Variants in MCM3AP observed in about 807,000 individuals in gnomAD.
MCM3AP encodes minichromosome maintenance complex component 3 associated protein.
MCM3AP carries 126 observed loss-of-function variants against 184.1 expected under a neutral mutation model. The ratio of observed to expected loss-of-function variants is 0.68; its 90% confidence interval spans 0.59 to 0.79. MCM3AP has a LOEUF of 0.79. MCM3AP is among the 30% of genes least tolerant of loss of function. The pLI is 0.00. For missense variants in MCM3AP, 2,496 were observed against 2,479.2 expected (o/e 1.01, Z -0.14); for synonymous variants, 1,002 against 979.3 (o/e 1.02, Z -0.43).
At chr21:46,281,570 C>G (rs1330558806) in intron 2 of MCM3AP, among the ~76,000 whole-genome samples, 1 of 152,118 alleles carries the variant, frequency 6.6e-6, no homozygotes, top group Admixed American at 6.5e-5. Context: ...GCCCGTTATC[C>G]TAGCACTTTG....
At chr21:46,256,672 C>G in intron 17 of MCM3AP, 117 bp downstream of exon 17, 1 of 1,297,752 alleles carries the variant, frequency 7.7e-7, no homozygotes, top group South Asian at 1.5e-5. Flanking sequence ...CTTCACCTAT[C>G]TTCGCCTCCA....
rs17176191 is a variant in MCM3AP, at chr21:46,281,870, C to T, written c.1444-1295G>A. Among the ~76,000 whole-genome samples the T allele has an allele frequency of 2.6e-5, 4 of 152,064 alleles. No individual in the cohort carries two copies. The East Asian group carries it at 7.7e-4, about 29-fold the overall frequency. ...CAAAAATTAGCCAGGCATGGTGGTG[C>T]ACACACAATCCCAGCTACTTGGGAG... On this transcript the variant is annotated intron_variant, in intron 2 of 27. Transcript: ENST00000291688.
intron 22 of MCM3AP, among the ~76,000 whole-genome samples, chr21:46,245,419 T>C (rs2080749598): frequency 6.6e-6 from 1 of 152,010 alleles, no homozygotes; most frequent in Non-Finnish European, 1.5e-5. Flanking sequence ...AGCCCCCAGA[T>C]CCCACCTGGC....
chr21:46,285,160 T>G lies in MCM3AP; in HGVS notation c.127A>C (p.Ser43Arg), dbSNP rs377478867. ...FGQPSLFGQNSTLSGKSSGFS... is the reference protein window; with the variant it reads ...FGQPSLFGQNRTLSGKSSGFS... ...CCCGAGCTCTTCCCAGATAAGGTAC[T>G]GTTTTGTCCAAAAAGAGAAGGTTGA... Residue 43 changes from serine (S) to arginine (R), a missense_variant, in exon 1 of 28, where the codon AGT becomes CGT. By Grantham distance (110) the Ser-to-Arg change is moderately radical. Transcript: ENST00000291688. The G allele has an allele frequency of 1.9e-6, 3 of 1,614,208 alleles. No homozygotes were observed. Among genetic ancestry groups the G allele is most frequent in the East Asian group, 4.5e-5 (2 of 44,886 alleles).
At chr21:46,246,154 G>C (rs2080762804) in intron 22 of MCM3AP, among the ~76,000 whole-genome samples, 153 bp downstream of exon 22, 1 of 152,168 alleles carries the variant, frequency 6.6e-6, no homozygotes, top group South Asian at 2.1e-4. Context: ...AGGTTGCAGG[G>C]AGCTATCATC....
chr21:46,254,357 T>A (rs1238524351), intron 19 of MCM3AP, 35 bp downstream of exon 19: 1 of 1,612,198 alleles, frequency 6.2e-7, no homozygotes, highest in African/African-American at 1.3e-5. Flanking sequence ...CCACTCCACC[T>A]CTTGGAAACC....
chr21:46,235,353 A>T lies in MCM3AP; in HGVS notation c.5858T>A (p.Leu1953Gln). ...GTCLGERLKH[L>Q]ERLIRSSREE... ...CCTTGAACTCCGGATCAGCCTTTCC[A>T]GGTGCTTTAGTCGTTCGCCTAGACA... The change falls in exon 28 of 28, where the codon CTG (leucine) becomes CAG (glutamine). Residue 1953 changes from leucine to glutamine, a missense_variant. Physicochemically the swap from Leu to Gln is moderately radical, Grantham distance 113. Coordinates refer to ENST00000291688, the MANE Select transcript of MCM3AP (RefSeq NM_003906.5). The T allele has an allele frequency of 6.2e-7, 1 of 1,614,144 alleles. No individual in the cohort carries two copies. The highest frequency in any genetic ancestry group is 8.5e-7 in the Non-Finnish European group (1 of 1,180,000).
chr21:46,254,752 G>A (rs536934186), intron 18 of MCM3AP, 24 bp downstream of exon 18: 18 of 1,604,882 alleles, frequency 1.1e-5, no homozygotes, highest in South Asian at 2.2e-5. Flanking sequence ...CAGGGGGTGC[G>A]CAGAAGGGTG....
At chr21:46,280,683 G>A in intron 2 of MCM3AP, 108 bp from the exon 3 acceptor site, 1 of 734,550 alleles carries the variant, frequency 1.4e-6, no homozygotes, top group Non-Finnish European at 2.4e-6. Flanking sequence ...AAGGCACCAG[G>A]AGCTCCTGTC....
chr21:46,277,748 C>T (rs775757154), intron 4 of MCM3AP, 31 bp from the exon 5 acceptor site: 12 of 1,424,574 alleles, frequency 8.4e-6, no homozygotes, highest in African/African-American at 2.9e-5. Context: ...TGAGGGCCCT[C>T]GTCCCAGGAA....
chr21:46,280,727 C>T, intron 2 of MCM3AP, 152 bp from the exon 3 acceptor site: 1 of 609,136 alleles, frequency 1.6e-6, no homozygotes, highest in Non-Finnish European at 3.0e-6. Flanking sequence ...ACCCACACGT[C>T]TGCTAACTGC....
At chr21:46,279,962 G>A in intron 4 of MCM3AP, 31 bp downstream of exon 4, 1 of 1,592,034 alleles carries the variant, frequency 6.3e-7, no homozygotes, top group Non-Finnish European at 8.5e-7. Flanking sequence ...GGTCCTTCCG[G>A]AATAAGGTCA....
chr21:46,236,221 A>G (rs2080522092), intron 27 of MCM3AP: 1 of 152,246 alleles, frequency 6.6e-6, no homozygotes, highest in Non-Finnish European at 1.5e-5. Context: ...TCCTCTATTG[A>G]AGGACTTCCT....
At chr21:46,245,662 G>A (rs887705667) in intron 22 of MCM3AP, among the ~76,000 whole-genome samples, 5 of 150,628 alleles carry the variant, frequency 3.3e-5, no homozygotes, top group African/African-American at 1.2e-4. Context: ...GACTCCCCCT[G>A]CCCTATTTTT....
intron 16 of MCM3AP, among the ~76,000 whole-genome samples, chr21:46,257,624 G>A (rs1300085885): frequency 6.6e-6 from 1 of 150,926 alleles, no homozygotes; most frequent in East Asian, 2.0e-4. Flanking sequence ...CTTTACCAGA[G>A]CTAAAAAGAG....
intron 17 of MCM3AP, among the ~76,000 whole-genome samples, chr21:46,256,295 G>C (rs907269669): frequency 2.0e-5 from 3 of 152,166 alleles, no homozygotes; most frequent in African/African-American, 7.2e-5. Context: ...GAGGACCAGG[G>C]CCACACCAAG....
At chr21:46,265,884 A>C in intron 11 of MCM3AP, 41 bp downstream of exon 11, 12 of 1,508,152 alleles carry the variant, frequency 8.0e-6, no homozygotes, top group Non-Finnish European at 1.1e-5. Context: ...CTGGTGGGAA[A>C]ATGCAGCTAG....
Position 46,241,027 on chromosome 21 carries a change from C to T in MCM3AP, c.5427-10G>A, listed in dbSNP as rs1414678921. On this transcript the variant is annotated splice_polypyrimidine_tract_variant and intron_variant, in intron 25 of 27. Transcript: ENST00000291688. ...AGGCTTTATTGCCAAACTGTAAGTA[C>T]ATGATTTGAAATGTTTATGGTCAAG... The T allele has an allele frequency of 6.3e-7, 1 of 1,595,550 alleles. No homozygotes were observed. The highest frequency in any genetic ancestry group is 8.6e-7 in the Non-Finnish European group (1 of 1,165,374).
At chr21:46,274,938 CAA>C (rs35282554) in intron 6 of MCM3AP, among the ~76,000 whole-genome samples, 29,671 of 96,216 alleles carry the variant, frequency 0.31, 2,421 homozygotes, top group Admixed American at 0.41. Flanking sequence ...GACCCTGTCT[CAA>C]AAAAAAAAAA....
Sources: gnomAD v4.1 joint callset for allele counts (sites outside exome capture counted in the v4.1 genomes callset) on GRCh38, gnomAD v4.1.1 for gene constraint, MANE v1.5 for transcripts, NCBI Gene and HGNC (gene_info 2026-07-23, HGNC 2026-07-21) for gene names.